TJP2: variants seen among roughly 807,000 people sequenced by gnomAD.
The protein encoded by TJP2 is Friedreich ataxia region gene X104 (tight junction protein ZO-2).
In TJP2, 91 loss-of-function variants were observed where a neutral mutation model predicts 133.1. The ratio of observed to expected loss-of-function variants is 0.68; its 90% CI spans 0.58 to 0.81. The LOEUF (loss-of-function observed/expected upper bound fraction) is 0.81. Ranked by LOEUF, TJP2 falls within the 40% of genes least tolerant of loss-of-function variation. The pLI is 0.00. For synonymous variants in TJP2, 592 were observed against 583.4 expected, an observed-to-expected ratio of 1.01 and a Z score of -0.21; for missense variants, 1,541 against 1,565.6, an observed-to-expected ratio of 0.98 and a Z score of 0.26.
chr9:69,219,718 G>A (rs768369790), intron 4 of TJP2, among the ~76,000 whole-genome samples: 20 of 152,118 alleles, frequency 1.3e-4, no homozygotes, highest in Non-Finnish European at 2.2e-4. Context: ...GCCACCATAC[G>A]CAGCTCTCAA....
chr9:69,249,531 G>GAAACT, intron 20 of TJP2, 46 bp downstream of exon 20: 2 of 1,562,730 alleles, frequency 1.3e-6, no homozygotes, highest in Non-Finnish European at 1.7e-6. Flanking sequence ...GGAAGCAGAT[G>GAAACT]CCTCTGAAGC....
chr9:69,174,332 G>T lies in TJP2; in HGVS notation c.-41G>T. ...TAGGAGCAGGAGCAGAAGCAGAAGC[G>T]GGGTCCGGAGCTGCGCGCCTACGCG... On this transcript the variant is annotated 5_prime_UTR_variant, in exon 1 of 23. Coordinates refer to ENST00000377245, the MANE Select transcript of TJP2 (RefSeq NM_004817.4). 1.9e-6 allele frequency: 3 copies of T among 1,551,046 alleles called. No individual in the cohort carries two copies. Among genetic ancestry groups the T allele is most frequent in the Non-Finnish European group, 2.6e-6 (3 of 1,146,812 alleles).
intron 2 of TJP2, among the ~76,000 whole-genome samples, chr9:69,152,900 G>C (rs976233775): frequency 7.5e-6 from 1 of 133,990 alleles, no homozygotes; most frequent in Admixed American, 9.2e-5. Context: ...GTGCGATCTC[G>C]GCTCACTGCA....
intron 1 of TJP2, among the ~76,000 whole-genome samples, chr9:69,179,481 T>C (rs1018648637): frequency 2.0e-5 from 3 of 151,920 alleles, no homozygotes; most frequent in Non-Finnish European, 4.4e-5. Context: ...GCGGTGGTGG[T>C]GAAAGTAAGT....
In TJP2 at chr9:69,212,051, A is replaced by T. The variant is rs1588068881; in HGVS notation, c.61-497A>T. Among the ~76,000 whole-genome samples, 5 of 152,332 alleles carry T rather than the reference A, an allele frequency of 3.3e-5. No homozygotes were observed. The South Asian group carries it at 1.0e-3, about 32-fold the overall frequency. ...CTATTTATGAAGACATTCATCTTTCATACTCAGTGATACAGATGGAGAAAA... is the reference window on the plus strand; with the variant it reads ...CTATTTATGAAGACATTCATCTTTCTTACTCAGTGATACAGATGGAGAAAA... On this transcript the variant is annotated intron_variant, in intron 1 of 22. Coordinates refer to ENST00000377245, the MANE Select transcript of TJP2 (RefSeq NM_004817.4).
In TJP2 at chr9:69,163,034, T is replaced by A. The variant is rs751188772; in HGVS notation, c.-10+11263T>A. ...AAAGTATCTTTATTTTATTTTATTT[T>A]TTTTTTTTTGAGACGGAGTCTCGCT... On this transcript the variant is annotated intron_variant, in intron 2 of 5. Transcript: ENST00000423935. Among the ~76,000 whole-genome samples the A allele has an allele frequency of 2.3e-3, 214 of 91,810 alleles. 65 individuals carry two copies. The highest frequency in any genetic ancestry group is 9.1e-3 in the African/African-American group (210 of 23,170). The allele number at this position is 91,810 out of a possible 152,430, so 60.2% of individuals were successfully genotyped here.
At chr9:69,172,693 C>T (rs112738950), upstream of TJP2, among the ~76,000 whole-genome samples, 559 of 152,244 alleles carry the variant, frequency 3.7e-3, 2 homozygotes, top group African/African-American at 0.013. Context: ...GTCAGCACCA[C>T]CTAATTTGGG....
rs1201891424 is a variant in TJP2 at position 69,212,591 on chromosome 9, C to A, written c.104C>A (p.Thr35Asn). The A allele has an allele frequency of 3.1e-6, 5 of 1,612,292 alleles. No individual in the cohort carries two copies. Among genetic ancestry groups the A allele is most frequent in the Admixed American group, 1.7e-5 (1 of 59,996 alleles). The change falls in exon 2 of 23, where the codon ACC becomes AAC. Residue 35 changes from threonine to asparagine, a missense_variant. Coordinates refer to ENST00000377245, the MANE Select transcript of TJP2 (RefSeq NM_004817.4). ...EELIWEQYTV[T>N]LQKDSKRGFG... ...CTGATATGGGAACAGTACACTGTGA[C>A]CCTACAAAAGGTGAGTTCTGCACAT...
chr9:69,151,557 A>C, intron 1 of TJP2: 1 of 1,218,402 alleles, frequency 8.2e-7, no homozygotes, highest in Non-Finnish European at 1.0e-6. Context: ...AAAACGGGCA[A>C]ATTGTATGGT....
chr9:69,129,707 C>T (rs1034549094), intron 1 of TJP2, among the ~76,000 whole-genome samples: 3 of 152,008 alleles, frequency 2.0e-5, no homozygotes, highest in South Asian at 2.1e-4. Context: ...GAGGCCGAGG[C>T]GTGCGGATCA....
At chr9:69,134,294 A>G (rs1822631828) in intron 1 of TJP2, among the ~76,000 whole-genome samples, 1 of 152,226 alleles carries the variant, frequency 6.6e-6, no homozygotes, top group African/African-American at 2.4e-5. Context: ...CAGAGCTTAC[A>G]GTCTGGAGGA....
At position 69,221,436 on chromosome 9, in the gene TJP2, G is replaced by C; in HGVS notation, c.892G>C (p.Glu298Gln). Residue 298 changes from glutamate to glutamine, a missense_variant, in exon 5 of 23, where the codon GAG becomes CAG. Transcript: ENST00000377245. The part of the protein sequence containing the change: ...EHPHSRSPSP[E>Q]PRGRPGPIGV... ...CCCGCACTCACGGAGCCCCAGCCCC[G>C]AGCCTAGGGGGCGGCCGGGGCCCAT... 6.3e-7 allele frequency: 1 copy of C among 1,591,890 alleles called. No homozygotes were observed. Among genetic ancestry groups the C allele is most frequent in the Non-Finnish European group, 8.6e-7 (1 of 1,169,134 alleles).
At chr9:69,208,872 G>A (rs1379489915) in intron 1 of TJP2, among the ~76,000 whole-genome samples, 3 of 152,046 alleles carry the variant, frequency 2.0e-5, no homozygotes, top group African/African-American at 7.2e-5. Flanking sequence ...AAGAAGAGTT[G>A]GCAAATATAT....
chr9:69,146,525 TTAGA>T (rs1372265560), intron 1 of TJP2, among the ~76,000 whole-genome samples: 2 of 152,228 alleles, frequency 1.3e-5, no homozygotes, highest in African/African-American at 2.4e-5. Flanking sequence ...TTTTTAACAA[TTAGA>T]TAGTTACTAG....
intron 17 of TJP2, among the ~76,000 whole-genome samples, chr9:69,243,772 G>C (rs1830726632): frequency 6.6e-6 from 1 of 152,136 alleles, no homozygotes; most frequent in African/African-American, 2.4e-5. Flanking sequence ...CCCCCTAGCT[G>C]GATACCTTTG....
chr9:69,216,234 C>T (rs925226976), intron 2 of TJP2, 105 bp from the exon 3 acceptor site: 1 of 1,366,000 alleles, frequency 7.3e-7, no homozygotes, highest in South Asian at 1.2e-5. Context: ...TGTTCCTGAA[C>T]AGTCTCTGGT....
chr9:69,163,607 G>A lies in TJP2; in HGVS notation c.-10+11836G>A, dbSNP rs144491474. Among the ~76,000 whole-genome samples, 723 of 150,142 alleles carry A rather than the reference G, an allele frequency of 4.8e-3. 5 individuals carry two copies. The highest frequency in any genetic ancestry group is 6.8e-3 in the Middle Eastern group (2 of 292). On this transcript the variant is annotated intron_variant, in intron 2 of 5. Transcript: ENST00000423935. ...CCTGAGATTGTATCAGTGCACTCCA[G>A]CCTGGGCAAAAGAGTGAGAGACCCT...
intron 2 of TJP2, among the ~76,000 whole-genome samples, chr9:69,168,370 A>C (rs1386599770): frequency 6.6e-6 from 1 of 152,202 alleles, no homozygotes; most frequent in Non-Finnish European, 1.5e-5. Flanking sequence ...GTCAGAGGGC[A>C]TATGGCATTA....
In TJP2 at chr9:69,252,876, AC is replaced by A. The variant is rs1304844069; in HGVS notation, c.3386del (p.Pro1129LeufsTer79). The A allele has an allele frequency of 6.2e-7, 1 of 1,614,042 alleles. No homozygotes were observed. Among genetic ancestry groups the A allele is most frequent in the Non-Finnish European group, 8.5e-7 (1 of 1,180,040 alleles). ...YAVPIKTHKP[D>X]PGTPQHTSSR... The stretch of plus-strand genomic sequence containing the variant: ...GTTCCAATCAAAACGCACAAGCCAG[AC>A]CCTGGCACGCCCCAGCACACGAGGT... On this transcript the variant is annotated frameshift_variant, in exon 22 of 23. Coordinates refer to ENST00000377245, the MANE Select transcript of TJP2 (RefSeq NM_004817.4). LOFTEE classifies it high-confidence loss of function.
Sources: allele counts gnomAD v4.1 joint callset (sites outside exome capture counted in the v4.1 genomes callset), GRCh38; gene constraint gnomAD v4.1.1; transcripts MANE v1.5; gene names NCBI Gene and HGNC (gene_info 2026-07-23, HGNC 2026-07-21).